The following HOMER2 variants were observed in gnomAD, a reference collection of about 807,000 sequenced individuals.
The protein encoded by HOMER2 is homer scaffold protein 2.
Under a neutral mutation model 47.0 loss-of-function variants are expected in HOMER2, and 27 were observed. The ratio of observed to expected loss-of-function variants is 0.57; its 90% CI spans 0.42 to 0.79. HOMER2 has a LOEUF of 0.79. Ranked by LOEUF, HOMER2 falls within the 30% of genes least tolerant of loss-of-function variation. The probability of loss-of-function intolerance (pLI) is 0.00; values close to 1 mark genes in which losing one functional copy is unlikely to be tolerated. For missense variants in HOMER2, 443 were observed against 435.0 expected (o/e 1.02, Z -0.16); for synonymous variants, 161 against 163.8 (o/e 0.98, Z 0.13).
chr15:82,864,054 G>C (rs1185361919), intron 4 of HOMER2, 113 bp downstream of exon 4: 4 of 624,466 alleles, frequency 6.4e-6, no homozygotes, highest in Admixed American at 6.6e-5. Context: ...AGTTGAAAAA[G>C]CCTTCAAAAT....
rs539545956 is a variant in HOMER2 at position 82,978,826 on chromosome 15, T to C, written n.82+6961A>G. 2.0e-5 allele frequency among the ~76,000 whole-genome samples: 3 copies of C among 152,290 alleles called. No individual in the cohort carries two copies. The East Asian group carries it at 5.8e-4, about 29-fold the overall frequency. ...ACCTCTGCCTCCTGGGTTCAAGCGA[T>C]TCTCCTGCCTCAGCCTCCTGAGTAG... On this transcript the variant is annotated intron_variant and non_coding_transcript_variant, in intron 1 of 1. Transcript: ENST00000500334.
At chr15:82,931,930 T>A (rs930670358) in intron 1 of HOMER2, among the ~76,000 whole-genome samples, 1 of 152,232 alleles carries the variant, frequency 6.6e-6, no homozygotes, top group Non-Finnish European at 1.5e-5. Flanking sequence ...AGCAGTTCTG[T>A]CTCACAGGAG....
At chr15:82,951,143 T>C (rs953575127) in intron 1 of HOMER2, among the ~76,000 whole-genome samples, 4 of 152,210 alleles carry the variant, frequency 2.6e-5, no homozygotes, top group Non-Finnish European at 4.4e-5. Flanking sequence ...AAATACGGCC[T>C]GCCAACTTGG....
chr15:82,851,093 C>T, intron 8 of HOMER2, 58 bp downstream of exon 8: 1 of 1,082,478 alleles, frequency 9.2e-7, no homozygotes. Flanking sequence ...AAAATGAGTA[C>T]CATGACATTT....
intron 1 of HOMER2, among the ~76,000 whole-genome samples, chr15:82,932,500 C>CAA (rs111788972): frequency 8.2e-6 from 1 of 122,658 alleles, no homozygotes. Flanking sequence ...GACTCTGTCT[C>CAA]AAAAAAAAAA....
chr15:82,955,104 T>G (rs1270465022), upstream of HOMER2, among the ~76,000 whole-genome samples: 2 of 151,028 alleles, frequency 1.3e-5, no homozygotes, highest in Non-Finnish European at 3.0e-5. Flanking sequence ...AAAGCAGTAC[T>G]GCTCATAACC....
chr15:82,946,190 C>A (rs886338975), intron 1 of HOMER2, among the ~76,000 whole-genome samples: 2 of 152,206 alleles, frequency 1.3e-5, no homozygotes, highest in African/African-American at 4.8e-5. Flanking sequence ...AAACCATGTG[C>A]TCTGCTCAGC....
At chr15:82,848,207 G>A (rs1452502366), downstream of HOMER2, among the ~76,000 whole-genome samples, 1 of 152,150 alleles carries the variant, frequency 6.6e-6, no homozygotes, top group African/African-American at 2.4e-5. Context: ...CAGGGCACCT[G>A]GGTTCGGACC....
chr15:82,874,354 A>C (rs980563486), intron 3 of HOMER2, among the ~76,000 whole-genome samples: 2 of 152,248 alleles, frequency 1.3e-5, no homozygotes, highest in Admixed American at 1.3e-4. Flanking sequence ...CTTGTAAACT[A>C]GTCAGTCTTA....
At chr15:82,910,325 GA>G (rs895808034) in intron 1 of HOMER2, among the ~76,000 whole-genome samples, 47 of 152,116 alleles carry the variant, frequency 3.1e-4, no homozygotes, top group Non-Finnish European at 1.6e-4. Flanking sequence ...ATATAGGCTT[GA>G]AGAAGTTTTA....
chr15:82,930,285 T>C (rs1481979265), intron 1 of HOMER2, among the ~76,000 whole-genome samples: 2 of 152,076 alleles, frequency 1.3e-5, no homozygotes, highest in South Asian at 2.1e-4. Flanking sequence ...TGAAATACCG[T>C]ATAAAGGGAG....
chr15:82,935,467 G>T (rs920844794), intron 1 of HOMER2, among the ~76,000 whole-genome samples: 2 of 151,908 alleles, frequency 1.3e-5, no homozygotes, highest in African/African-American at 4.8e-5. Flanking sequence ...TTCTCTGCCT[G>T]CCCTCCCTCC....
exon 2 of HOMER2, chr15:82,839,769 A>G (rs2051158076): frequency 1.3e-5 from 2 of 152,192 alleles, no homozygotes; most frequent in African/African-American, 2.4e-5. Flanking sequence ...TTAAAGGTCC[A>G]TAATATTATA....
chr15:82,973,755 T>A (rs2030094957), intron 1 of HOMER2, among the ~76,000 whole-genome samples: 1 of 152,118 alleles, frequency 6.6e-6, no homozygotes. Flanking sequence ...GTCACTCAGG[T>A]CATCTGCATC....
downstream of HOMER2, among the ~76,000 whole-genome samples, chr15:82,836,481 CTT>C (rs2051128561): frequency 6.6e-6 from 1 of 152,394 alleles, no homozygotes; most frequent in East Asian, 1.9e-4. Flanking sequence ...GGCCTGCTCT[CTT>C]AAGTGCCTGG....
chr15:82,964,436 A>G (rs2054656280), intron 1 of HOMER2, among the ~76,000 whole-genome samples: 1 of 152,262 alleles, frequency 6.6e-6, no homozygotes, highest in South Asian at 2.1e-4. Flanking sequence ...AGCTGGACCT[A>G]TAATTAATTT....
chr15:82,951,965 C>T (rs980990407), intron 1 of HOMER2: 5 of 694,530 alleles, frequency 7.2e-6, no homozygotes, highest in Non-Finnish European at 8.9e-6. Flanking sequence ...ATTTCAACTT[C>T]CCTCCTGAGC....
intron 1 of HOMER2, among the ~76,000 whole-genome samples, chr15:82,934,958 C>T (rs1487683619): frequency 1.3e-5 from 2 of 152,140 alleles, no homozygotes; most frequent in African/African-American, 4.8e-5. Flanking sequence ...AAAGAAGAGC[C>T]ACAGATGGGA....
chr15:82,952,602 C>G lies in HOMER2; in HGVS notation c.-67G>C. On this transcript the variant is annotated 5_prime_UTR_variant, in exon 1 of 9. Coordinates refer to ENST00000450735, the MANE Select transcript of HOMER2 (RefSeq NM_004839.4). ...CGCTCGCTCTCCGCCCGCTCGGCAGCCGCTCCCCGCGCGGCACATGCGGCG... is the reference window on the plus strand; with the variant it reads ...CGCTCGCTCTCCGCCCGCTCGGCAGGCGCTCCCCGCGCGGCACATGCGGCG... The G allele has an allele frequency of 9.0e-7, 1 of 1,107,988 alleles. No homozygotes were observed. The highest frequency in any genetic ancestry group is 1.1e-6 in the Non-Finnish European group (1 of 909,594). 68.6% of individuals were successfully genotyped at this position (1,107,988 alleles called of 1,614,324 possible).
Sources: gnomAD v4.1 joint callset for allele counts (sites outside exome capture counted in the v4.1 genomes callset) on GRCh38, gnomAD v4.1.1 for gene constraint, MANE v1.5 for transcripts, NCBI Gene and HGNC (gene_info 2026-07-23, HGNC 2026-07-21) for gene names.